The following SLC24A4 variants were observed in gnomAD, a reference collection of about 807,000 sequenced individuals.
SLC24A4 encodes sodium/potassium/calcium exchanger 4.
Under a neutral mutation model 79.0 loss-of-function variants are expected in SLC24A4, and 53 were observed. The ratio of observed to expected loss-of-function variants is 0.67; its 90% CI spans 0.54 to 0.84. The LOEUF is 0.84. Ranked by LOEUF, SLC24A4 falls within the 40% of genes least tolerant of loss-of-function variation. The probability of loss-of-function intolerance (pLI) is 0.00; values close to 1 mark genes in which losing one functional copy is unlikely to be tolerated. For missense variants in SLC24A4, 731 were observed against 822.0 expected, an observed-to-expected ratio of 0.89 and a Z score of 1.35; for synonymous variants, 323 against 323.8, an observed-to-expected ratio of 1.00 and a Z score of 0.03.
chr14:92,389,426 C>T (rs1050912933), intron 2 of SLC24A4, among the ~76,000 whole-genome samples: 7 of 152,152 alleles, frequency 4.6e-5, no homozygotes, highest in Non-Finnish European at 7.4e-5. Context: ...CCCAAACCAC[C>T]GTTCTTCCCC....
At chr14:92,474,033 C>T (rs1462395284) in intron 12 of SLC24A4, among the ~76,000 whole-genome samples, 3 of 152,160 alleles carry the variant, frequency 2.0e-5, no homozygotes, top group Non-Finnish European at 4.4e-5. Context: ...CAAGGCTGCC[C>T]AAGCCTCTTT....
At chr14:92,336,306 C>T (rs2141606709) in intron 2 of SLC24A4, among the ~76,000 whole-genome samples, 3 of 152,182 alleles carry the variant, frequency 2.0e-5, no homozygotes, top group African/African-American at 7.2e-5. Flanking sequence ...ATTGAAGAGG[C>T]CTTTAGAACA....
chr14:92,324,759 A>G (rs1030192127), intron 1 of SLC24A4, among the ~76,000 whole-genome samples: 7 of 152,160 alleles, frequency 4.6e-5, no homozygotes, highest in Non-Finnish European at 8.8e-5. Context: ...TTTTAATTTC[A>G]TTATTTTTTT....
At chr14:92,339,583 G>A (rs929330936) in intron 2 of SLC24A4, among the ~76,000 whole-genome samples, 1 of 152,200 alleles carries the variant, frequency 6.6e-6, no homozygotes, top group Non-Finnish European at 1.5e-5. Flanking sequence ...GCCTGGCTCC[G>A]GAGGCTTTGC....
chr14:92,488,025 CCCTTCCTT>C (rs142459186), intron 14 of SLC24A4, among the ~76,000 whole-genome samples: 1 of 148,850 alleles, frequency 6.7e-6, no homozygotes, highest in East Asian at 2.0e-4. Context: ...CCTCCTCCTC[CCCTTCCTT>C]CCTTCCTTCC....
chr14:92,372,290 C>T (rs766315271), intron 2 of SLC24A4, among the ~76,000 whole-genome samples: 16 of 152,162 alleles, frequency 1.1e-4, no homozygotes, highest in African/African-American at 1.9e-4. Flanking sequence ...TCATCTTCCA[C>T]GCCACCTCCC....
At chr14:92,351,915 GAAGGA>G (rs11275208) in intron 2 of SLC24A4, among the ~76,000 whole-genome samples, 43 of 140,508 alleles carry the variant, frequency 3.1e-4, no homozygotes, top group African/African-American at 8.3e-4. Context: ...GGAAGGAAAG[GAAGGA>G]AAGGAAAGGA....
chr14:92,354,121 T>G (rs1480652772), intron 2 of SLC24A4, among the ~76,000 whole-genome samples: 1 of 151,688 alleles, frequency 6.6e-6, no homozygotes, highest in Non-Finnish European at 1.5e-5. Flanking sequence ...TTTAGCCTCC[T>G]GGCAAGCCTT....
chr14:92,377,399 A>G (rs996231425), intron 2 of SLC24A4, among the ~76,000 whole-genome samples: 1 of 152,250 alleles, frequency 6.6e-6, no homozygotes, highest in Non-Finnish European at 1.5e-5. Flanking sequence ...TAGATGAAAT[A>G]TACTATGCCA....
intron 2 of SLC24A4, among the ~76,000 whole-genome samples, chr14:92,331,761 G>A (rs1885492062): frequency 6.6e-6 from 1 of 152,136 alleles, no homozygotes; most frequent in Non-Finnish European, 1.5e-5. Context: ...CTTCTATGTG[G>A]ATTTTTTTCT....
intron 12 of SLC24A4, among the ~76,000 whole-genome samples, chr14:92,461,028 G>T (rs540405062): frequency 6.6e-6 from 1 of 152,180 alleles, no homozygotes; most frequent in Non-Finnish European, 1.5e-5. Context: ...GCTTTCGCCC[G>T]TGGAAACCAT....
chr14:92,368,810 C>T (rs1887996161), intron 2 of SLC24A4, among the ~76,000 whole-genome samples: 1 of 152,094 alleles, frequency 6.6e-6, no homozygotes, highest in Non-Finnish European at 1.5e-5. Context: ...TACCCTGCCT[C>T]ACCCAACTTT....
intron 9 of SLC24A4, among the ~76,000 whole-genome samples, 193 bp from the exon 10 acceptor site, chr14:92,448,881 A>C (rs1180378469): frequency 2.6e-5 from 4 of 152,098 alleles, no homozygotes; most frequent in Non-Finnish European, 5.9e-5. Context: ...GTGCCACCAG[A>C]CAACACAATG....
chr14:92,446,919 G>C (rs897449057), intron 8 of SLC24A4, among the ~76,000 whole-genome samples: 5 of 152,174 alleles, frequency 3.3e-5, no homozygotes, highest in African/African-American at 1.2e-4. Context: ...TATTCAGTCA[G>C]CTCTCAGGCC....
At chr14:92,354,355 A>G (rs545511234) in intron 2 of SLC24A4, among the ~76,000 whole-genome samples, 86 of 151,936 alleles carry the variant, frequency 5.7e-4, no homozygotes, top group Non-Finnish European at 7.4e-4. Context: ...GTTTCACTGT[A>G]TTAGTCAGGA....
At chr14:92,401,704 T>C (rs1191266500) in intron 2 of SLC24A4, among the ~76,000 whole-genome samples, 1 of 152,088 alleles carries the variant, frequency 6.6e-6, no homozygotes, top group African/African-American at 2.4e-5. Flanking sequence ...CTTGGGCGAG[T>C]TATCTAACCT....
intron 12 of SLC24A4, among the ~76,000 whole-genome samples, chr14:92,466,179 G>C (rs1002245996): frequency 6.6e-6 from 1 of 152,166 alleles, no homozygotes; most frequent in Non-Finnish European, 1.5e-5. Flanking sequence ...GCTTGTTCTA[G>C]TCTCTGTAAA....
intron 9 of SLC24A4, among the ~76,000 whole-genome samples, chr14:92,448,557 C>T (rs1200553234): frequency 6.6e-6 from 1 of 152,104 alleles, no homozygotes; most frequent in Non-Finnish European, 1.5e-5. Flanking sequence ...GAGCATTGTC[C>T]TTAAATGATC....
intron 13 of SLC24A4, chr14:92,483,652 A>G (rs1895192839): frequency 2.8e-6 from 3 of 1,084,632 alleles, no homozygotes; most frequent in Non-Finnish European, 3.7e-6. Context: ...GGGCTGGGTC[A>G]GGCCACACAG....
Sources: gnomAD v4.1 joint callset for allele counts (sites outside exome capture counted in the v4.1 genomes callset) on GRCh38, gnomAD v4.1.1 for gene constraint, MANE v1.5 for transcripts, NCBI Gene and HGNC (gene_info 2026-07-23, HGNC 2026-07-21) for gene names.